The following TUNAR variants were observed in gnomAD, a reference collection of about 807,000 sequenced individuals.
TUNAR encodes protein TUNAR.
chr14:95,897,619 C>A (rs538928309), intron 2 of TUNAR, among the ~76,000 whole-genome samples: 1 of 152,306 alleles, frequency 6.6e-6, no homozygotes, highest in African/African-American at 2.4e-5. Context: ...ATTATTGCTG[C>A]ATCAGAAGTG....
chr14:95,921,299 C>G (rs1889693353), intron 2 of TUNAR, among the ~76,000 whole-genome samples: 1 of 152,140 alleles, frequency 6.6e-6, no homozygotes, highest in African/African-American at 2.4e-5. Flanking sequence ...ATCATCAAAC[C>G]CTGAAGCGTG....
At chr14:95,899,022 T>G (rs1342410659) in intron 2 of TUNAR, among the ~76,000 whole-genome samples, 2 of 152,178 alleles carry the variant, frequency 1.3e-5, no homozygotes, top group African/African-American at 4.8e-5. Flanking sequence ...GCCTTCTGAT[T>G]TCTACTCAGC....
chr14:95,898,465 C>T (rs1343394340), intron 2 of TUNAR, among the ~76,000 whole-genome samples: 1 of 152,162 alleles, frequency 6.6e-6, no homozygotes, highest in African/African-American at 2.4e-5. Flanking sequence ...TGTTTTAAAA[C>T]CTTCATTTGT....
chr14:95,885,511 A>T (rs1288311000), intron 2 of TUNAR, among the ~76,000 whole-genome samples: 1 of 152,132 alleles, frequency 6.6e-6, no homozygotes, highest in Admixed American at 6.6e-5. Context: ...GAATTTCCTG[A>T]GCAGAGTTGA....
intron 2 of TUNAR, among the ~76,000 whole-genome samples, chr14:95,888,485 C>T (rs916937509): frequency 1.3e-5 from 2 of 152,156 alleles, no homozygotes; most frequent in African/African-American, 4.8e-5. Context: ...CAGACTGTGA[C>T]TGGGGCTGGA....
chr14:95,890,825 CA>C lies in TUNAR; in HGVS notation c.12+13651del, dbSNP rs569165833. Among the ~76,000 whole-genome samples, 215 of 152,284 alleles carry C rather than the reference CA, an allele frequency of 1.4e-3. 1 individual carries two copies. The highest frequency in any genetic ancestry group is 5.0e-3 in the African/African-American group (207 of 41,552). ...AAATTTGTTCATTAATCAAATTAAT[CA>C]AATGTAATTAAATTAATCAGAGTAT... On this transcript the variant is annotated intron_variant, in intron 2 of 2. Transcript: ENST00000678517.
At chr14:95,918,986 G>C (rs1055043242) in intron 2 of TUNAR, among the ~76,000 whole-genome samples, 1 of 152,140 alleles carries the variant, frequency 6.6e-6, no homozygotes, top group African/African-American at 2.4e-5. Context: ...GGATTCAAAA[G>C]TCCTTCCTCC....
intron 2 of TUNAR, among the ~76,000 whole-genome samples, chr14:95,907,802 C>A (rs536618723): frequency 1.3e-5 from 2 of 152,230 alleles, no homozygotes; most frequent in African/African-American, 4.8e-5. Flanking sequence ...GAGGGTGACT[C>A]CTCTTTGCAG....
intron 2 of TUNAR, among the ~76,000 whole-genome samples, chr14:95,913,607 C>A (rs58366600): frequency 0.21 from 31,756 of 152,070 alleles, 4,347 homozygotes; most frequent in African/African-American, 0.38. Context: ...CTAGAGAAGT[C>A]ATAAAGAGGA....
intron 2 of TUNAR, among the ~76,000 whole-genome samples, chr14:95,915,179 C>T (rs920275421): frequency 6.6e-6 from 1 of 152,188 alleles, no homozygotes; most frequent in Non-Finnish European, 1.5e-5. Flanking sequence ...ACCTTGAATA[C>T]CCCTTCTGTA....
exon 3 of TUNAR, chr14:95,925,216 T>G (rs962570467): frequency 2.6e-5 from 4 of 152,208 alleles, no homozygotes; most frequent in African/African-American, 9.7e-5. Context: ...GGTCAAGAAA[T>G]GTCCCTGAGA....
rs1265989536 is a variant in TUNAR at position 95,895,927 on chromosome 14, A to G, written c.12+18750A>G. On this transcript the variant is annotated intron_variant, in intron 2 of 2. Coordinates refer to ENST00000678517, the Ensembl canonical transcript of TUNAR. The surrounding 1 kb of genome is among the most constrained non-coding windows in gnomAD (Gnocchi z 4.5). ...CCTGCCCATCATGGCATCCACCACC[A>G]GGTGGCCTTTTTCTTGGTAAGTTCC... 1 of 152,176 alleles carries G rather than the reference A, an allele frequency of 6.6e-6. No individual in the cohort carries two copies. Among genetic ancestry groups the G allele is most frequent in the Non-Finnish European group, 1.5e-5 (1 of 68,056 alleles). The allele number at this position is 152,176 out of a possible 1,614,324, so 9.4% of individuals were successfully genotyped here. A position where few individuals can be genotyped will look rare whatever the true frequency, so the allele number is the denominator to read the frequency against.
At chr14:95,884,460 T>C (rs2139652724) in intron 2 of TUNAR, among the ~76,000 whole-genome samples, 1 of 152,322 alleles carries the variant, frequency 6.6e-6, no homozygotes, top group African/African-American at 2.4e-5. Context: ...TTTTCTGTCT[T>C]GCCACTATGC....
chr14:95,892,447 C>T (rs966600651), intron 2 of TUNAR, among the ~76,000 whole-genome samples: 44 of 152,372 alleles, frequency 2.9e-4, no homozygotes, highest in African/African-American at 9.9e-4. Context: ...GGGCCACCTC[C>T]GGCTGGATGT....
At chr14:95,912,759 C>T (rs80207099) in intron 2 of TUNAR, among the ~76,000 whole-genome samples, 3,644 of 152,236 alleles carry the variant, frequency 0.024, 134 homozygotes, top group African/African-American at 0.082. Context: ...GTGCTTTTCC[C>T]CTTATCACAT....
intron 2 of TUNAR, among the ~76,000 whole-genome samples, chr14:95,879,348 T>C (rs548447628): frequency 6.6e-6 from 1 of 152,326 alleles, no homozygotes; most frequent in East Asian, 1.9e-4. Flanking sequence ...GACAGGCTCA[T>C]AGGGATCTGC....
chr14:95,889,973 A>AAC (rs1555375757), intron 2 of TUNAR, among the ~76,000 whole-genome samples: 19 of 152,126 alleles, frequency 1.2e-4, no homozygotes, highest in African/African-American at 4.3e-4. Flanking sequence ...AAAAAAAAAA[A>AAC]AAAACTGACA....
At chr14:95,883,950 G>A (rs1445195066) in intron 2 of TUNAR, among the ~76,000 whole-genome samples, 11 of 152,104 alleles carry the variant, frequency 7.2e-5, no homozygotes, top group African/African-American at 2.4e-4. Flanking sequence ...CTCACCTTGA[G>A]CACAGTGGTG....
chr14:95,881,991 G>A (rs141907756), intron 2 of TUNAR, among the ~76,000 whole-genome samples: 18 of 152,266 alleles, frequency 1.2e-4, no homozygotes, highest in Middle Eastern at 6.8e-3. Context: ...CCCTCCTTCC[G>A]TCTCCCTTGG....
Sources: gnomAD v4.1 joint callset for allele counts (sites outside exome capture counted in the v4.1 genomes callset) on GRCh38, gnomAD v4.1.1 for gene constraint, Gnocchi (gnomAD v3.1) non-coding constraint, MANE v1.5 for transcripts, NCBI Gene and HGNC (gene_info 2026-07-23, HGNC 2026-07-21) for gene names.